The following IGSF10 variants were observed in gnomAD, a reference collection of about 807,000 sequenced individuals.
IGSF10 encodes the protein immunoglobulin superfamily member 10, also known as calvaria mechanical force protein 608.
Under a neutral mutation model 128.2 loss-of-function variants are expected in IGSF10, and 126 were observed. The observed-to-expected ratio is 0.98, with a 90% CI of 0.85 to 1.14. IGSF10 has a LOEUF of 1.14. Ranked by LOEUF, IGSF10 falls within the 50% of genes most tolerant of loss-of-function variation. The pLI is 0.00. For missense variants in IGSF10, 3,295 were observed against 3,149.8 expected, an observed-to-expected ratio of 1.05 and a Z score of -1.10; for synonymous variants, 1,185 against 1,146.2, an observed-to-expected ratio of 1.03 and a Z score of -0.68.
chr3:151,543,486 C>T, the IGSF10 span, among the ~76,000 whole-genome samples: 2 of 152,170 alleles, frequency 1.3e-5, no homozygotes, highest in African/African-American at 2.4e-5. Flanking sequence ...GGCAAGAGCA[C>T]GAGCAGTGTT....
At chr3:151,467,909 A>G in the IGSF10 span, among the ~76,000 whole-genome samples, 1 of 152,036 alleles carries the variant, frequency 6.6e-6, no homozygotes, top group Non-Finnish European at 1.5e-5. Flanking sequence ...AGAAAAAAGA[A>G]AAAAAGAAAG....
At chr3:151,485,641 A>G in the IGSF10 span, among the ~76,000 whole-genome samples, 1 of 152,224 alleles carries the variant, frequency 6.6e-6, no homozygotes, top group Non-Finnish European at 1.5e-5. Context: ...AGTGGGGGCC[A>G]ATATTCAACA....
the IGSF10 span, among the ~76,000 whole-genome samples, chr3:151,578,744 G>C: frequency 9.5e-3 from 1,442 of 152,290 alleles, 26 homozygotes; most frequent in African/African-American, 0.033. Context: ...TGTAGGTGAA[G>C]ACCCATTGGA....
At chr3:151,530,252 AAG>A in the IGSF10 span, among the ~76,000 whole-genome samples, 1 of 152,120 alleles carries the variant, frequency 6.6e-6, no homozygotes, top group Non-Finnish European at 1.5e-5. Context: ...AGTCACCTAA[AAG>A]AGACGGGGAG....
the IGSF10 span, among the ~76,000 whole-genome samples, chr3:151,483,239 C>A: frequency 6.6e-6 from 1 of 151,870 alleles, no homozygotes; most frequent in Non-Finnish European, 1.5e-5. Context: ...ACAAAAGCTA[C>A]AATAAGTTGT....
chr3:151,552,732 T>C, the IGSF10 span, among the ~76,000 whole-genome samples: 1 of 152,194 alleles, frequency 6.6e-6, no homozygotes, highest in South Asian at 2.1e-4. Flanking sequence ...TTATTCTTGC[T>C]TTAAACTATA....
the IGSF10 span, among the ~76,000 whole-genome samples, chr3:151,598,686 T>A: frequency 6.6e-6 from 1 of 152,240 alleles, no homozygotes; most frequent in East Asian, 1.9e-4. Context: ...TATGTGTACA[T>A]TCAGTATAGA....
chr3:151,514,127 A>G, the IGSF10 span, among the ~76,000 whole-genome samples: 9 of 152,206 alleles, frequency 5.9e-5, no homozygotes, highest in East Asian at 1.7e-3. Context: ...AATACTTTAA[A>G]GTTCATATGG....
the IGSF10 span, among the ~76,000 whole-genome samples, chr3:151,539,442 G>C: frequency 1.3e-5 from 2 of 152,148 alleles, no homozygotes; most frequent in Non-Finnish European, 2.9e-5. Flanking sequence ...CTGGTGCTTA[G>C]AAAAACCAGA....
chr3:151,482,918 T>A, the IGSF10 span, among the ~76,000 whole-genome samples: 2 of 137,830 alleles, frequency 1.5e-5, no homozygotes, highest in African/African-American at 2.7e-5. Context: ...TTTTTTTTTT[T>A]AAAGCCCTGC....
intron 5 of IGSF10, among the ~76,000 whole-genome samples, chr3:151,450,904 A>AAT (rs1721482232): frequency 6.7e-6 from 1 of 150,306 alleles, no homozygotes; most frequent in Non-Finnish European, 1.5e-5. Flanking sequence ...TCAAAAAAAA[A>AAT]AAAAAAAAAA....
chr3:151,433,383 C>A (rs1719747149), downstream of IGSF10: 1 of 152,568 alleles, frequency 6.6e-6, no homozygotes, highest in African/African-American at 2.4e-5. Context: ...ATGTAGGACT[C>A]TTCTTTGCTT....
At chr3:151,526,090 A>AT in the IGSF10 span, among the ~76,000 whole-genome samples, 16 of 152,302 alleles carry the variant, frequency 1.1e-4, no homozygotes, top group East Asian at 3.1e-3. Flanking sequence ...GGAGTGAACT[A>AT]TTTATCTAGC....
the IGSF10 span, among the ~76,000 whole-genome samples, chr3:151,570,238 G>C: frequency 6.6e-6 from 1 of 152,080 alleles, no homozygotes; most frequent in African/African-American, 2.4e-5. Flanking sequence ...ATAATCCTTT[G>C]GGTATATACC....
At position 151,447,923 on chromosome 3, in the gene IGSF10, A is replaced by C; in HGVS notation, c.2058T>G (p.Pro686=). The C allele has an allele frequency of 6.2e-7, 1 of 1,614,160 alleles. No homozygotes were observed. The highest frequency in any genetic ancestry group is 2.2e-5 in the East Asian group (1 of 44,876). The part of the protein sequence containing the change: ...TEGSGLDESN[P]IAHLKEPPGA... ...CTGGTGGCTCCTTAAGATGAGCAAT[A>C]GGATTGGACTCATCAAGTCCAGATC... The change falls in exon 6 of 8, where the codon CCT becomes CCG. Residue 686 remains proline, a synonymous_variant. Coordinates refer to ENST00000282466, the MANE Select transcript of IGSF10 (RefSeq NM_178822.5).
chr3:151,573,126 G>T, the IGSF10 span, among the ~76,000 whole-genome samples: 1 of 152,122 alleles, frequency 6.6e-6, no homozygotes, highest in Non-Finnish European at 1.5e-5. Flanking sequence ...TTTTATATTT[G>T]CTGAGGAGTG....
chr3:151,503,621 C>A, the IGSF10 span, among the ~76,000 whole-genome samples: 124,549 of 152,154 alleles, frequency 0.82, 51,064 homozygotes, highest in Middle Eastern at 0.93. Flanking sequence ...ATTTTAAATG[C>A]CCAGTGGGTT....
the IGSF10 span, among the ~76,000 whole-genome samples, chr3:151,533,940 A>G: frequency 6.6e-6 from 1 of 152,220 alleles, no homozygotes; most frequent in Non-Finnish European, 1.5e-5. Flanking sequence ...TCTACAAAGA[A>G]CTTAAACAAA....
the IGSF10 span, among the ~76,000 whole-genome samples, chr3:151,514,655 G>C: frequency 6.6e-6 from 1 of 152,112 alleles, no homozygotes; most frequent in African/African-American, 2.4e-5. Flanking sequence ...CACAGCAAAA[G>C]AAACCACCGT....
Sources: gnomAD v4.1 joint callset for allele counts (sites outside exome capture counted in the v4.1 genomes callset) on GRCh38, gnomAD v4.1.1 for gene constraint, MANE v1.5 for transcripts, NCBI Gene and HGNC (gene_info 2026-07-23, HGNC 2026-07-21) for gene names.